RPE65: variants seen among roughly 807,000 people sequenced by gnomAD.
RPE65 encodes the protein retinoid isomerohydrolase RPE65.
A neutral mutation model predicts 68.5 loss-of-function variants in RPE65; 58 were observed. That is an observed-to-expected ratio of 0.85 (90% confidence interval 0.69 to 1.05). RPE65 has a LOEUF of 1.05. Ranked by LOEUF, RPE65 falls within the 50% of genes least tolerant of loss-of-function variation. The pLI, the probability that RPE65 is intolerant of heterozygous loss-of-function variation, is 0.00. For missense variants in RPE65, 643 were observed against 629.9 expected (o/e 1.02, Z -0.22); for synonymous variants, 220 against 222.2 (o/e 0.99, Z 0.09).
chr1:68,429,620 T>C lies in RPE65; in HGVS notation c.*156A>G, dbSNP rs1445937046. ...TTTTTTAAATAAAGGAATTGCTTGC[T>C]CAACTCAGTGCTTTCTGTAAAACAT... On this transcript the variant is annotated 3_prime_UTR_variant, in exon 14 of 14. Coordinates refer to ENST00000262340, the MANE Select transcript of RPE65 (RefSeq NM_000329.3). The C allele has an allele frequency of 1.3e-6, 1 of 783,514 alleles. No individual in the cohort carries two copies. The highest frequency in any genetic ancestry group is 2.1e-6 in the Non-Finnish European group (1 of 479,714). The allele number at this position is 783,514 out of a possible 1,614,324, so 48.5% of individuals were successfully genotyped here.
intron 6 of RPE65, 110 bp downstream of exon 6, chr1:68,440,743 T>C: frequency 7.1e-7 from 1 of 1,413,594 alleles, no homozygotes; most frequent in South Asian, 1.2e-5. Context: ...CTGAGAGTAA[T>C]TTAACTATGC....
At chr1:68,442,969 G>T (rs1388008403) in intron 5 of RPE65, among the ~76,000 whole-genome samples, 1 of 152,012 alleles carries the variant, frequency 6.6e-6, no homozygotes, top group Non-Finnish European at 1.5e-5. Context: ...TACCAGTACT[G>T]CATTTGTGGT....
At chr1:68,438,906 T>C in intron 9 of RPE65, 36 bp downstream of exon 9, 1 of 1,613,640 alleles carries the variant, frequency 6.2e-7, no homozygotes, top group Non-Finnish European at 8.5e-7. Flanking sequence ...CCAGGAACAA[T>C]GGGAGGTGTC....
chr1:68,436,440 A>C (rs1645863047), intron 10 of RPE65, among the ~76,000 whole-genome samples: 1 of 141,962 alleles, frequency 7.0e-6, no homozygotes, highest in African/African-American at 2.6e-5. Flanking sequence ...AGCTCCTGTT[A>C]CTTCTATTTA....
intron 10 of RPE65, among the ~76,000 whole-genome samples, chr1:68,433,502 A>G (rs977232662): frequency 2.0e-5 from 3 of 152,174 alleles, no homozygotes; most frequent in African/African-American, 7.2e-5. Flanking sequence ...TGGCAAGTCT[A>G]TGGTTCCTTT....
chr1:68,446,921 T>C (rs1312583806), intron 2 of RPE65, 61 bp from the exon 3 acceptor site: 6 of 1,609,412 alleles, frequency 3.7e-6, no homozygotes, highest in East Asian at 2.2e-5. Context: ...GGCTTGTCCT[T>C]GGTAAGGCAG....
Position 68,431,579 on chromosome 1 carries a change from T to C in RPE65, c.1135A>G (p.Thr379Ala). ...VLPLNIDKAD[T>A]GKNLVTLPNT... The stretch of plus-strand genomic sequence containing the variant: ...GGGAGCGTGACTAAATTCTTGCCTG[T>C]GTCAGCCTAGGAGAGAAGATAACAG... The change falls in exon 11 of 14, where the codon ACA (threonine) becomes GCA (alanine). Residue 379 changes from threonine to alanine, a missense_variant. By Grantham distance (58) the Thr-to-Ala change is moderately conservative (BLOSUM62 0). Coordinates refer to ENST00000262340, the MANE Select transcript of RPE65 (RefSeq NM_000329.3). The C allele has an allele frequency of 6.2e-7, 1 of 1,613,382 alleles. No homozygotes were observed. Among genetic ancestry groups the C allele is most frequent in the East Asian group, 2.2e-5 (1 of 44,862 alleles).
rs62636301 is a variant in RPE65, at chr1:68,431,318, C to A, written c.1302G>T (p.Ala434=). Residue 434 remains alanine, a synonymous_variant, in exon 12 of 14, where the codon GCG becomes GCT. Coordinates refer to ENST00000262340, the MANE Select transcript of RPE65 (RefSeq NM_000329.3). ...QKYCGKPYTY[A]YGLGLNHFVP... ...CAAAGTGATTCAAGCCAAGTCCATA[C>A]GCATATGTGTAAGGTTTCCCACAAT... 1.9e-6 allele frequency: 3 copies of A among 1,613,792 alleles called. No individual in the cohort carries two copies. In the African/African-American group the frequency reaches 4.0e-5, roughly 22 times the overall value.
At chr1:68,439,513 CT>C in intron 7 of RPE65, 47 bp downstream of exon 7, 4 of 1,599,206 alleles carry the variant, frequency 2.5e-6, no homozygotes, top group Non-Finnish European at 3.4e-6. Flanking sequence ...CAAAGCAAAT[CT>C]TTAAACTTGA....
Position 68,429,941 on chromosome 1 carries a change from G to A in RPE65, c.1451-14C>T. 6.2e-7 allele frequency: 1 copy of A among 1,613,448 alleles called. No homozygotes were observed. Among genetic ancestry groups the A allele is most frequent in the Non-Finnish European group, 8.5e-7 (1 of 1,179,624 alleles). ...TCAGAACTACACCTGTTTATCAGAA[G>A]TAAATTAGGCAATATTGAGTTTTTA... On this transcript the variant is annotated splice_polypyrimidine_tract_variant and intron_variant, in intron 13 of 13. Coordinates refer to ENST00000262340, the MANE Select transcript of RPE65 (RefSeq NM_000329.3).
At position 68,440,899 on chromosome 1, in the gene RPE65, AT is replaced by A; in HGVS notation, c.596del (p.Asn199IlefsTer9). 2 of 1,613,834 alleles carry A rather than the reference AT, an allele frequency of 1.2e-6. No homozygotes were observed. Among genetic ancestry groups the A allele is most frequent in the Non-Finnish European group, 1.7e-6 (2 of 1,179,910 alleles). On this transcript the variant is annotated frameshift_variant, in exon 6 of 14. Coordinates refer to ENST00000262340, the MANE Select transcript of RPE65 (RefSeq NM_000329.3). LOFTEE classifies it high-confidence loss of function. ...TTACAATGTTGTAGGCAATTGAAAA[AT>A]TTTTTCCAAAGCAATTACCAATATT... ...VYNIGNCFGKNFSIAYNIVKI... is the reference protein window; with the variant it reads ...VYNIGNCFGKXFSIAYNIVKI...
chr1:68,446,668 C>G, intron 3 of RPE65, 42 bp downstream of exon 3: 1 of 1,613,414 alleles, frequency 6.2e-7, no homozygotes, highest in Non-Finnish European at 8.5e-7. Context: ...CCAAGCTAGG[C>G]CCTACTTTGA....
In RPE65 at chr1:68,439,302, A is replaced by G. The variant is rs764888162; in HGVS notation, c.747T>C (p.Tyr249=). 3 of 1,613,840 alleles carry G rather than the reference A, an allele frequency of 1.9e-6. No individual in the cohort carries two copies. The highest frequency in any genetic ancestry group is 2.5e-6 in the Non-Finnish European group (3 of 1,179,958). ...TGACTGGTGTCTCCACAAAAACGATATAGTTGGGAGTCAGACCAAAACTGT... is the reference window on the plus strand; with the variant it reads ...TGACTGGTGTCTCCACAAAAACGATGTAGTTGGGAGTCAGACCAAAACTGT... ...YVHSFGLTPN[Y]IVFVETPVKI... Residue 249 remains tyrosine (Y), a synonymous_variant, in exon 8 of 14, where the codon TAT becomes TAC. Transcript: ENST00000262340.
At chr1:68,439,150 T>C (rs1557600008) in intron 8 of RPE65, 41 bp downstream of exon 8, 2 of 1,614,034 alleles carry the variant, frequency 1.2e-6, no homozygotes, top group Non-Finnish European at 1.7e-6. Context: ...AAACACATCT[T>C]CTTCAGAATC....
At chr1:68,432,000 G>A (rs1017342865) in intron 10 of RPE65, among the ~76,000 whole-genome samples, 12 of 144,658 alleles carry the variant, frequency 8.3e-5, no homozygotes, top group Non-Finnish European at 1.4e-4. Context: ...TGTATATTTC[G>A]TTCACACGTA....
At chr1:68,443,702 C>T (rs1645919701) in intron 5 of RPE65, among the ~76,000 whole-genome samples, 1 of 152,132 alleles carries the variant, frequency 6.6e-6, no homozygotes, top group Non-Finnish European at 1.5e-5. Context: ...AAAGACTCGT[C>T]ATATTCTTTG....
At chr1:68,434,353 G>C (rs1645846565) in intron 10 of RPE65, among the ~76,000 whole-genome samples, 1 of 151,910 alleles carries the variant, frequency 6.6e-6, no homozygotes, top group African/African-American at 2.4e-5. Flanking sequence ...TTAGGGGAGA[G>C]AGCCAGATTT....
chr1:68,432,117 A>C (rs932975437), intron 10 of RPE65, among the ~76,000 whole-genome samples: 4 of 151,650 alleles, frequency 2.6e-5, no homozygotes, highest in African/African-American at 9.7e-5. Context: ...CTTGTCACAC[A>C]CACATGATTT....
intron 10 of RPE65, among the ~76,000 whole-genome samples, chr1:68,435,776 T>C (rs1645858821): frequency 6.6e-6 from 1 of 152,206 alleles, no homozygotes; most frequent in South Asian, 2.1e-4. Context: ...TGACTAGCTA[T>C]TAACAAATCA....
Sources: gnomAD v4.1 joint callset for allele counts (sites outside exome capture counted in the v4.1 genomes callset) on GRCh38, gnomAD v4.1.1 for gene constraint, MANE v1.5 for transcripts, NCBI Gene and HGNC (gene_info 2026-07-23, HGNC 2026-07-21) for gene names.